NOS2: variants seen among roughly 807,000 people sequenced by gnomAD.
The protein encoded by NOS2 is nitric oxide synthase, inducible.
A neutral mutation model predicts 136.0 loss-of-function variants in NOS2; 96 were observed. The observed-to-expected ratio is 0.71, with a 90% CI of 0.60 to 0.84. NOS2 has a LOEUF of 0.84. Among genes scored for constraint, NOS2 ranks in the 40% least tolerant of loss-of-function variants. NOS2 has a pLI of 0.00. For missense variants in NOS2, 1,237 were observed against 1,496.9 expected, an observed-to-expected ratio of 0.83 and a Z score of 2.87; for synonymous variants, 539 against 587.5, an observed-to-expected ratio of 0.92 and a Z score of 1.20.
At position 27,782,805 on chromosome 17, in the gene NOS2, T is replaced by G. The variant is rs951026774; in HGVS notation, c.630+139A>C. On this transcript the variant is annotated intron_variant, in intron 6 of 26. Transcript: ENST00000313735. ...GACCCTAGGTGCCCCATCTCAACAT[T>G]TGGGAATGTAAGAGAGGATCCAGGG... 5.0e-6 allele frequency: 4 copies of G among 793,856 alleles called. No homozygotes were observed. In the African/African-American group the frequency reaches 7.0e-5, roughly 14 times the overall value. 49.2% of individuals were successfully genotyped at this position (793,856 alleles called of 1,614,324 possible).
In NOS2 at chr17:27,765,631, C is replaced by T. The variant is rs1299423181; in HGVS notation, c.2332G>A (p.Gly778Ser). The change falls in exon 20 of 27, where the codon GGC becomes AGC. Residue 778 changes from glycine (G) to serine (S), a missense_variant. Around this residue, in one of 3 missense-constraint regions of NOS2, gnomAD observed 782 missense variants for 909.9 expected, o/e 0.86. Transcript: ENST00000313735. ...LPGEHLGVCP[G>S]NQPALVQGIL... ...CCTTGGACCAGGGCCGGCTGGTTGC[C>T]TGGGCAAACCCCAAGGTGCTCCCCC... is the stretch of plus-strand genomic sequence containing the variant. 4 of 1,613,172 alleles carry T rather than the reference C, an allele frequency of 2.5e-6. No individual in the cohort carries two copies. Among genetic ancestry groups the T allele is most frequent in the Admixed American group, 3.3e-5 (2 of 59,998 alleles).
At chr17:27,793,390 G>T (rs1909252964) in intron 2 of NOS2, among the ~76,000 whole-genome samples, 1 of 152,178 alleles carries the variant, frequency 6.6e-6, no homozygotes, top group Admixed American at 6.5e-5. Flanking sequence ...GTGCATGGGG[G>T]GTTTCTCTGG....
intron 7 of NOS2, among the ~76,000 whole-genome samples, chr17:27,781,579 G>A (rs1261358337): frequency 6.6e-6 from 1 of 151,926 alleles, no homozygotes; most frequent in Non-Finnish European, 1.5e-5. Context: ...GTCCTGTGTT[G>A]AGTTGCATTA....
chr17:27,762,108 C>A (rs148940014), intron 22 of NOS2, among the ~76,000 whole-genome samples: 1 of 152,158 alleles, frequency 6.6e-6, no homozygotes, highest in Non-Finnish European at 1.5e-5. Flanking sequence ...ACCACCTGGA[C>A]GAGATGTTGG....
chr17:27,762,856 C>T lies in NOS2; in HGVS notation c.2742G>A (p.Arg914=). The change falls in exon 22 of 27, where the codon CGG becomes CGA. Residue 914 remains arginine (R), a synonymous_variant. Coordinates refer to ENST00000313735, the MANE Select transcript of NOS2 (RefSeq NM_000625.4). ...GGTGGATCTCTGTGGGCGTGTGATC[C>T]CGGGAGGAGCTGATGGAGTAGAACC... ...KPRFYSISSS[R]DHTPTEIHLT... is the part of the protein sequence containing the mutation. 1 of 1,570,924 alleles carries T rather than the reference C, an allele frequency of 6.4e-7. No homozygotes were observed.
intron 12 of NOS2, 92 bp downstream of exon 12, chr17:27,774,165 C>G: frequency 1.0e-6 from 1 of 959,302 alleles, no homozygotes; most frequent in Non-Finnish European, 1.4e-6. Context: ...TCCCGTCGTG[C>G]CCTACATGTG....
At chr17:27,777,578 A>G (rs534327143) in intron 11 of NOS2, among the ~76,000 whole-genome samples, 127 of 152,326 alleles carry the variant, frequency 8.3e-4, no homozygotes, top group Non-Finnish European at 1.3e-3. Context: ...CTGAAGACCC[A>G]GTTTGTGCCA....
chr17:27,786,353 G>A (rs1359304308), intron 5 of NOS2, among the ~76,000 whole-genome samples: 4 of 152,150 alleles, frequency 2.6e-5, no homozygotes, highest in Admixed American at 2.0e-4. Context: ...TTAAACCCGG[G>A]AGGCAGAGGT....
At chr17:27,796,482 A>G (rs939064658) in intron 2 of NOS2, among the ~76,000 whole-genome samples, 6 of 152,114 alleles carry the variant, frequency 3.9e-5, no homozygotes, top group African/African-American at 9.7e-5. Context: ...AAATAAAAAT[A>G]GAAAAGAAAA....
intron 2 of NOS2, among the ~76,000 whole-genome samples, chr17:27,792,664 C>T (rs1359522273): frequency 6.6e-6 from 1 of 151,908 alleles, no homozygotes; most frequent in Non-Finnish European, 1.5e-5. Flanking sequence ...TCCTGAGGAC[C>T]CTCAAGGACC....
chr17:27,775,554 A>T (rs1293424884), intron 11 of NOS2, among the ~76,000 whole-genome samples: 1 of 152,200 alleles, frequency 6.6e-6, no homozygotes, highest in Non-Finnish European at 1.5e-5. Context: ...GTGAGCCGAG[A>T]TCGCACCACT....
chr17:27,793,420 T>C (rs1476544501), intron 2 of NOS2, among the ~76,000 whole-genome samples: 1 of 152,166 alleles, frequency 6.6e-6, no homozygotes, highest in East Asian at 1.9e-4. Context: ...GCTCCTGAAT[T>C]GCGACCTCTC....
Position 27,760,229 on chromosome 17 carries a change from G to C in NOS2, c.3011-51C>G, listed in dbSNP as rs368704775. On this transcript the variant is annotated intron_variant, in intron 24 of 26. Coordinates refer to ENST00000313735, the MANE Select transcript of NOS2 (RefSeq NM_000625.4). ...CCATGTTGGCCACCAGAGGGCGCCAGGGCTCCAAGCCCAACTGGAATTCTC... is the reference window on the plus strand; with the variant it reads ...CCATGTTGGCCACCAGAGGGCGCCACGGCTCCAAGCCCAACTGGAATTCTC... The C allele has an allele frequency of 3.2e-5, 48 of 1,494,526 alleles. No individual in the cohort carries two copies. In the African/African-American group the frequency reaches 4.9e-4, roughly 15 times the overall value. 92.6% of individuals were successfully genotyped at this position (1,494,526 alleles called of 1,614,324 possible).
chr17:27,776,103 G>A (rs957494141), intron 11 of NOS2, among the ~76,000 whole-genome samples: 1 of 152,128 alleles, frequency 6.6e-6, no homozygotes, highest in Non-Finnish European at 1.5e-5. Flanking sequence ...GTGAGTTGGC[G>A]AATTTCGGGA....
intron 20 of NOS2, 128 bp downstream of exon 20, chr17:27,765,407 T>G (rs1012395150): frequency 8.4e-6 from 7 of 831,424 alleles, no homozygotes; most frequent in South Asian, 1.9e-5. Context: ...CACATAAGCT[T>G]TGGTGGCCCG....
At chr17:27,784,168 C>CA (rs1333334879) in intron 5 of NOS2, among the ~76,000 whole-genome samples, 79 of 99,700 alleles carry the variant, frequency 7.9e-4, no homozygotes, top group African/African-American at 3.1e-3. Context: ...ACACTACCAC[C>CA]ACCACCAACA....
chr17:27,772,225 G>A, intron 14 of NOS2, 83 bp downstream of exon 14: 1 of 1,474,842 alleles, frequency 6.8e-7, no homozygotes. Flanking sequence ...GAGACATCCA[G>A]GAGTGGGGAA....
intron 16 of NOS2, 142 bp from the exon 17 acceptor site, chr17:27,769,293 TC>T (rs1908412905): frequency 1.1e-6 from 1 of 890,288 alleles, no homozygotes; most frequent in Non-Finnish European, 1.7e-6. Context: ...TCTGGTCCTC[TC>T]CATCCCCCAG....
intron 25 of NOS2, among the ~76,000 whole-genome samples, chr17:27,759,685 G>C (rs1908050682): frequency 1.3e-5 from 2 of 152,206 alleles, no homozygotes; most frequent in African/African-American, 4.8e-5. Context: ...CGTGGTGGAA[G>C]CATCGGCCGC....
Sources: allele counts gnomAD v4.1 joint callset (sites outside exome capture counted in the v4.1 genomes callset), GRCh38; gene constraint gnomAD v4.1.1; regional missense constraint gnomAD v4.1.1; transcripts MANE v1.5; gene names NCBI Gene and HGNC (gene_info 2026-07-23, HGNC 2026-07-21).